Variants in DSCAM observed in about 807,000 individuals in gnomAD.
DSCAM encodes the protein cell adhesion molecule DSCAM.
In DSCAM, 47 loss-of-function variants were observed where a neutral mutation model predicts 217.7. The observed-to-expected ratio is 0.22, with a 90% CI of 0.17 to 0.28. The LOEUF (loss-of-function observed/expected upper bound fraction) is 0.28, where lower values mean the gene tolerates loss of function less well. DSCAM is among the 10% of genes least tolerant of loss of function. The pLI, the probability that DSCAM is intolerant of heterozygous loss-of-function variation, is 1.00. For missense variants in DSCAM, 2,080 were observed against 2,618.3 expected, an observed-to-expected ratio of 0.79 and a Z score of 4.49; for synonymous variants, 1,056 against 1,015.3, an observed-to-expected ratio of 1.04 and a Z score of -0.76.
rs2090766286 is a variant in DSCAM at position 40,179,013 on chromosome 21, G to A, written c.2861C>T (p.Ser954Phe). The A allele has an allele frequency of 6.2e-7, 1 of 1,613,996 alleles. No homozygotes were observed. The highest frequency in any genetic ancestry group is 1.1e-5 in the South Asian group (1 of 91,092). Reference sequence around the variant, plus strand: ...GGCGTACATGCGGATGCTGTAGGTGGAGGAAGGGTGGATATCAATGATGGT... The same window carrying A: ...GGCGTACATGCGGATGCTGTAGGTGAAGGAAGGGTGGATATCAATGATGGT... ...SATIIDIHPS[S>F]TYSIRMYAKN... is the part of the protein sequence containing the mutation. The change falls in exon 15 of 33, where the codon TCC becomes TTC. Residue 954 changes from serine (S) to phenylalanine (F), a missense_variant. Ser to Phe is a radical substitution (Grantham distance 155). Transcript: ENST00000400454.
intron 5 of DSCAM, among the ~76,000 whole-genome samples, chr21:40,350,244 A>G (rs561303243): frequency 4.6e-5 from 7 of 152,206 alleles, no homozygotes; most frequent in Non-Finnish European, 7.3e-5. Context: ...CTTCATGACT[A>G]AAACACCAAA....
chr21:40,366,947 G>T (rs986065936), intron 4 of DSCAM, among the ~76,000 whole-genome samples: 1 of 152,130 alleles, frequency 6.6e-6, no homozygotes, highest in African/African-American at 2.4e-5. Context: ...GGCCTCCCCT[G>T]GTTCCCGAGC....
At chr21:40,534,182 T>A (rs1236272982) in intron 3 of DSCAM, among the ~76,000 whole-genome samples, 2 of 152,220 alleles carry the variant, frequency 1.3e-5, no homozygotes, top group African/African-American at 4.8e-5. Context: ...GAAATTTTTT[T>A]ATGAAAATTG....
chr21:40,516,594 C>T (rs990422132), intron 3 of DSCAM, among the ~76,000 whole-genome samples: 4 of 152,040 alleles, frequency 2.6e-5, no homozygotes, highest in Admixed American at 2.6e-4. Context: ...TAGGCAGTGG[C>T]GGCCAATGTA....
At chr21:40,426,358 T>C (rs1601633908) in intron 3 of DSCAM, among the ~76,000 whole-genome samples, 1 of 152,226 alleles carries the variant, frequency 6.6e-6, no homozygotes, top group East Asian at 1.9e-4. Context: ...ATTTGTCCTT[T>C]CATTGGCCAT....
chr21:40,208,704 T>A (rs941650443), intron 11 of DSCAM, among the ~76,000 whole-genome samples: 1 of 152,116 alleles, frequency 6.6e-6, no homozygotes, highest in East Asian at 1.9e-4. Context: ...TGCAGAAAGA[T>A]CTCCTGACAT....
intron 11 of DSCAM, among the ~76,000 whole-genome samples, chr21:40,190,284 G>T (rs1307514348): frequency 6.6e-6 from 1 of 152,116 alleles, no homozygotes; most frequent in African/African-American, 2.4e-5. Flanking sequence ...ATTGTAGACT[G>T]CATATGACAA....
rs76472842 is a variant in DSCAM, at chr21:40,277,005, A to G, written c.2183-735T>C. Among the ~76,000 whole-genome samples, 949 of 152,204 alleles carry G rather than the reference A, an allele frequency of 6.2e-3. 5 individuals are homozygous for G. Among genetic ancestry groups the G allele is most frequent in the Non-Finnish European group, 9.6e-3 (655 of 68,002 alleles). On this transcript the variant is annotated intron_variant, in intron 10 of 32. Coordinates refer to ENST00000400454, the MANE Select transcript of DSCAM (RefSeq NM_001389.5). Reference sequence around the variant, plus strand: ...AAAAGGATTTTAGAAATAATGAAACAGATTATGAAGGTCCTAGAAGACTTC... The same window carrying G: ...AAAAGGATTTTAGAAATAATGAAACGGATTATGAAGGTCCTAGAAGACTTC...
At chr21:40,187,347 C>A in intron 13 of DSCAM, 88 bp from the exon 14 acceptor site, 1 of 1,519,336 alleles carries the variant, frequency 6.6e-7, no homozygotes, top group Non-Finnish European at 8.9e-7. Flanking sequence ...GACTCACAAA[C>A]GATTTGTCTG....
chr21:40,552,356 G>A (rs1189355979), intron 3 of DSCAM, among the ~76,000 whole-genome samples: 1 of 152,070 alleles, frequency 6.6e-6, no homozygotes, highest in African/African-American at 2.4e-5. Flanking sequence ...CCCTTCCAAT[G>A]AATGAGACAG....
At chr21:40,601,631 A>C (rs991833488) in intron 3 of DSCAM, among the ~76,000 whole-genome samples, 3 of 152,162 alleles carry the variant, frequency 2.0e-5, no homozygotes, top group African/African-American at 4.8e-5. Flanking sequence ...ATTAAGTATG[A>C]TGTCTGTTAT....
chr21:40,331,988 T>C (rs2074382551), intron 8 of DSCAM, among the ~76,000 whole-genome samples: 1 of 152,118 alleles, frequency 6.6e-6, no homozygotes, highest in Non-Finnish European at 1.5e-5. Context: ...AACCCCGCCA[T>C]CCAAAGGCTT....
At chr21:40,297,573 T>A (rs925919708) in intron 9 of DSCAM, among the ~76,000 whole-genome samples, 2 of 152,268 alleles carry the variant, frequency 1.3e-5, no homozygotes, top group Non-Finnish European at 2.9e-5. Flanking sequence ...CTGCCACATA[T>A]GATAGACTGA....
chr21:40,061,484 G>C (rs577835425), intron 28 of DSCAM, among the ~76,000 whole-genome samples: 4 of 150,902 alleles, frequency 2.7e-5, no homozygotes, highest in Non-Finnish European at 5.9e-5. Flanking sequence ...CAGGAAAATC[G>C]CTTGAACCTC....
intron 2 of DSCAM, among the ~76,000 whole-genome samples, chr21:40,698,181 C>T (rs900746719): frequency 2.0e-5 from 3 of 152,180 alleles, no homozygotes; most frequent in African/African-American, 7.2e-5. Flanking sequence ...CACGGTTGGT[C>T]TACATTGACA....
intron 2 of DSCAM, 69 bp from the exon 3 acceptor site, chr21:40,693,025 T>C: frequency 6.5e-7 from 1 of 1,539,778 alleles, no homozygotes; most frequent in Non-Finnish European, 8.9e-7. Context: ...TATCTCACTG[T>C]AATATATACA....
intron 20 of DSCAM, among the ~76,000 whole-genome samples, chr21:40,101,483 T>C (rs1355474691): frequency 6.6e-6 from 1 of 151,346 alleles, no homozygotes; most frequent in African/African-American, 2.4e-5. Context: ...TGGATGGACG[T>C]GGTAGGATGG....
chr21:40,633,038 G>C (rs1240771402), intron 3 of DSCAM, among the ~76,000 whole-genome samples: 1 of 152,068 alleles, frequency 6.6e-6, no homozygotes, highest in East Asian at 1.9e-4. Flanking sequence ...CCATTTCCTG[G>C]TAATTTTCTA....
intron 32 of DSCAM, among the ~76,000 whole-genome samples, chr21:40,017,809 C>T (rs2088191128): frequency 1.3e-5 from 2 of 152,210 alleles, no homozygotes; most frequent in South Asian, 4.1e-4. Flanking sequence ...GCCTCAGCCT[C>T]CCAAAGTGTT....
Sources: gnomAD v4.1 joint callset for allele counts (sites outside exome capture counted in the v4.1 genomes callset) on GRCh38, gnomAD v4.1.1 for gene constraint, MANE v1.5 for transcripts, NCBI Gene and HGNC (gene_info 2026-07-23, HGNC 2026-07-21) for gene names.